MIA3: variants seen among roughly 807,000 people sequenced by gnomAD.
MIA3 encodes transport and Golgi organization protein 1 homolog.
Under a neutral mutation model 192.4 loss-of-function variants are expected in MIA3, and 90 were observed. The ratio of observed to expected loss-of-function variants is 0.47; its 90% confidence interval spans 0.39 to 0.56. MIA3 has a LOEUF of 0.56. Ranked by LOEUF, MIA3 falls within the 20% of genes least tolerant of loss-of-function variation. MIA3 has a pLI of 0.00. For missense variants in MIA3, 2,123 were observed against 2,269.4 expected, an observed-to-expected ratio of 0.94 and a Z score of 1.31; for synonymous variants, 740 against 792.8, an observed-to-expected ratio of 0.93 and a Z score of 1.12.
chr1:222,632,960 A>G, intron 5 of MIA3, 144 bp from the exon 6 acceptor site: 1 of 822,878 alleles, frequency 1.2e-6, no homozygotes, highest in Non-Finnish European at 2.0e-6. Flanking sequence ...ATTTCACCAC[A>G]GTGCACAGTA....
Position 222,628,245 on chromosome 1 carries a change from C to A in MIA3, c.1025C>A (p.Pro342Gln), listed in dbSNP as rs1189827266. The A allele has an allele frequency of 8.7e-6, 14 of 1,613,962 alleles. No homozygotes were observed. The highest frequency in any genetic ancestry group is 1.2e-5 in the Non-Finnish European group (14 of 1,180,036). ...TFTDGEDMKT[P>Q]AKSGVEKYPT... ...ACAGATGGGGAAGATATGAAAACTC[C>A]AGCAAAGTCTGGCGTTGAGAAATAT... is the stretch of plus-strand genomic sequence containing the variant. Residue 342 changes from proline to glutamine, a missense_variant, in exon 4 of 28, where the codon CCA (proline) becomes CAA (glutamine). Coordinates refer to ENST00000344922, the MANE Select transcript of MIA3 (RefSeq NM_198551.4).
chr1:222,662,513 C>T (rs1182621825), intron 26 of MIA3, 181 bp downstream of exon 26: 5 of 1,409,910 alleles, frequency 3.5e-6, no homozygotes, highest in Non-Finnish European at 4.6e-6. Flanking sequence ...ACATCTTTGG[C>T]TGAGCGTCCA....
At chr1:222,656,454 TTC>T (rs1205657875) in intron 18 of MIA3, among the ~76,000 whole-genome samples, 1 of 152,194 alleles carries the variant, frequency 6.6e-6, no homozygotes, top group East Asian at 1.9e-4. Context: ...TCTATTATCA[TTC>T]TTATTTTCTC....
chr1:222,629,632 G>C lies in MIA3; in HGVS notation c.2412G>C (p.Arg804Ser). 1 of 1,614,090 alleles carries C rather than the reference G, an allele frequency of 6.2e-7. No individual in the cohort carries two copies. The highest frequency in any genetic ancestry group is 1.1e-5 in the South Asian group (1 of 91,080). ...TAAKGVNTGGREPNTMVEKER... is the reference protein window; with the variant it reads ...TAAKGVNTGGSEPNTMVEKER... ...CCAAAGGGGTCAACACAGGAGGCAG[G>C]GAACCAAATACAATGGTGGAAAAAG... Residue 804 changes from arginine to serine, a missense_variant, in exon 4 of 28, where the codon AGG becomes AGC. Around this residue, in one of 3 missense-constraint regions of MIA3, gnomAD observed 1,357 missense variants for 1,396.1 expected, o/e 0.97. Transcript: ENST00000344922.
At position 222,659,799 on chromosome 1, in the gene MIA3, C is replaced by A; in HGVS notation, c.4872C>A (p.His1624Gln). ...AAAGGGAAGCTGCCAATTTGAGACA[C>A]AAGTATGTGGATTTTGATGGCTATA... ...EEKREAANLR[H>Q]KLLELTQKMA... is the part of the protein sequence containing the mutation. The change falls in exon 22 of 28, where the codon CAC becomes CAA. Residue 1624 changes from histidine (H) to glutamine (Q), a missense_variant and splice_region_variant. By Grantham distance (24) the His-to-Gln change is conservative. Transcript: ENST00000344922. The A allele has an allele frequency of 6.2e-7, 1 of 1,613,956 alleles. No homozygotes were observed. Among genetic ancestry groups the A allele is most frequent in the South Asian group, 1.1e-5 (1 of 91,072 alleles).
Position 222,628,985 on chromosome 1 carries a change from A to C in MIA3, c.1765A>C (p.Asn589His), listed in dbSNP as rs61738963. 1.4e-5 allele frequency: 22 copies of C among 1,614,088 alleles called. No individual in the cohort carries two copies. The highest frequency in any genetic ancestry group is 1.7e-5 in the Non-Finnish European group (20 of 1,180,034). Residue 589 changes from asparagine to histidine, a missense_variant, in exon 4 of 28, where the codon AAC becomes CAC. Coordinates refer to ENST00000344922, the MANE Select transcript of MIA3 (RefSeq NM_198551.4). ...ACCACTCATGGGAGATGACCACCCT[A>C]ACGCATCCAGAGACAGTGTGGAGGG... ...SAPLMGDDHPNASRDSVEGDA... is the reference protein window; with the variant it reads ...SAPLMGDDHPHASRDSVEGDA...
chr1:222,635,531 G>A (rs1189736078), intron 6 of MIA3, among the ~76,000 whole-genome samples: 1 of 152,284 alleles, frequency 6.6e-6, no homozygotes, highest in East Asian at 1.9e-4. Flanking sequence ...GGTATAAAGT[G>A]TAATTCTGAC....
At chr1:222,657,129 T>C (rs968303628) in intron 18 of MIA3, among the ~76,000 whole-genome samples, 2 of 152,244 alleles carry the variant, frequency 1.3e-5, no homozygotes, top group Admixed American at 1.3e-4. Flanking sequence ...GATGATGTTA[T>C]CATCCTACAT....
intron 2 of MIA3, 125 bp downstream of exon 2, chr1:222,621,417 T>C: frequency 1.1e-6 from 1 of 930,718 alleles, no homozygotes; most frequent in Non-Finnish European, 1.6e-6. Flanking sequence ...TGCCTGACTG[T>C]GAAAAAAGAT....
intron 6 of MIA3, among the ~76,000 whole-genome samples, chr1:222,641,191 G>A (rs780932380): frequency 1.3e-5 from 2 of 152,214 alleles, no homozygotes; most frequent in Admixed American, 1.3e-4. Flanking sequence ...CTGGTCATAT[G>A]ATCCAGCCAT....
chr1:222,650,769 C>A, intron 10 of MIA3, 24 bp from the exon 11 acceptor site: 1 of 1,574,270 alleles, frequency 6.4e-7, no homozygotes, highest in Non-Finnish European at 8.7e-7. Context: ...ATGAGTATAA[C>A]TAACCTTAAT....
At chr1:222,641,584 A>G (rs1055547827) in intron 6 of MIA3, 4 of 517,882 alleles carry the variant, frequency 7.7e-6, no homozygotes, top group Admixed American at 5.9e-5. Context: ...ATCCTCGGCT[A>G]TCTTATCTAC....
intron 2 of MIA3, among the ~76,000 whole-genome samples, chr1:222,624,337 A>G (rs896526994): frequency 1.3e-5 from 2 of 152,242 alleles, no homozygotes; most frequent in Non-Finnish European, 2.9e-5. Flanking sequence ...AAAATATTAA[A>G]TCATAATTGC....
chr1:222,646,916 A>G (rs1420315776), intron 7 of MIA3, among the ~76,000 whole-genome samples: 1 of 152,218 alleles, frequency 6.6e-6, no homozygotes, highest in African/African-American at 2.4e-5. Flanking sequence ...ACAAATACTC[A>G]CAATTTAACA....
intron 7 of MIA3, 170 bp downstream of exon 7, chr1:222,645,855 A>G (rs1198825886): frequency 5.2e-6 from 3 of 573,902 alleles, no homozygotes; most frequent in African/African-American, 3.8e-5. Flanking sequence ...TTCTTAAGTG[A>G]ATAAGACAAC....
chr1:222,647,139 CTTT>C (rs1185225347), intron 7 of MIA3, among the ~76,000 whole-genome samples: 1 of 152,122 alleles, frequency 6.6e-6, no homozygotes, highest in Non-Finnish European at 1.5e-5. Context: ...CAGAAAATAT[CTTT>C]TTATTTCGAA....
intron 7 of MIA3, chr1:222,647,929 T>C (rs1382303994): frequency 2.6e-6 from 1 of 385,214 alleles, no homozygotes; most frequent in Non-Finnish European, 5.4e-6. Context: ...ATATTAATTA[T>C]TGTATACAGT....
intron 1 of MIA3, among the ~76,000 whole-genome samples, chr1:222,620,847 T>C (rs1424115811): frequency 6.6e-6 from 1 of 152,216 alleles, no homozygotes; most frequent in African/African-American, 2.4e-5. Context: ...AGAGAGGGAA[T>C]CGAGAGTTTC....
chr1:222,632,180 A>G lies in MIA3; in HGVS notation c.3185A>G (p.His1062Arg), dbSNP rs766911071. ...GGAMEEMQPL[H>R]EDNFSREKTA... ...CTCACCCTAGAGATGCAACCACTGC[A>G]TGAAGATAATTTCTCACGAGAGAAG... Residue 1062 changes from histidine to arginine, a missense_variant, in exon 5 of 28, where the codon CAT becomes CGT. By Grantham distance (29) the His-to-Arg change is conservative. Transcript: ENST00000344922. The G allele has an allele frequency of 1.3e-5, 21 of 1,614,166 alleles. No homozygotes were observed. In the East Asian group the frequency reaches 4.2e-4, roughly 33 times the overall value.
Sources: gnomAD v4.1 joint callset for allele counts (sites outside exome capture counted in the v4.1 genomes callset) on GRCh38, gnomAD v4.1.1 for gene constraint, gnomAD v4.1.1 regional missense constraint, MANE v1.5 for transcripts, NCBI Gene and HGNC (gene_info 2026-07-23, HGNC 2026-07-21) for gene names.